PTPRD: variants seen among roughly 807,000 people sequenced by gnomAD.
PTPRD encodes receptor-type tyrosine-protein phosphatase delta.
Under a neutral mutation model 214.5 loss-of-function variants are expected in PTPRD, and 34 were observed. The ratio of observed to expected loss-of-function variants is 0.16; its 90% CI spans 0.12 to 0.21. PTPRD has a LOEUF of 0.21. Ranked by LOEUF, PTPRD falls within the 10% of genes least tolerant of loss-of-function variation. The pLI, the probability that PTPRD is intolerant of heterozygous loss-of-function variation, is 1.00. For synonymous variants in PTPRD, 1,128 were observed against 845.7 expected, an observed-to-expected ratio of 1.33 and a Z score of -5.79; for missense variants, 2,545 against 2,398.7, an observed-to-expected ratio of 1.06 and a Z score of -1.27.
At chr9:9,156,492 C>G (rs1387217065) in intron 10 of PTPRD, among the ~76,000 whole-genome samples, 2 of 151,504 alleles carry the variant, frequency 1.3e-5, no homozygotes, top group Admixed American at 6.6e-5. Context: ...AAAAGCACCT[C>G]AAACTTAAAA....
chr9:9,317,644 T>G (rs1247622375), intron 9 of PTPRD, among the ~76,000 whole-genome samples: 2 of 152,230 alleles, frequency 1.3e-5, no homozygotes, highest in African/African-American at 4.8e-5. Context: ...ATGCTGATGT[T>G]ATATTTTGAA....
chr9:9,098,826 T>C (rs915017732), intron 10 of PTPRD, among the ~76,000 whole-genome samples: 4 of 152,190 alleles, frequency 2.6e-5, no homozygotes, highest in Non-Finnish European at 1.5e-5. Context: ...CTAGAGAGAC[T>C]CTTACACATG....
chr9:9,674,768 C>G (rs137921688), intron 7 of PTPRD, among the ~76,000 whole-genome samples: 1 of 151,764 alleles, frequency 6.6e-6, no homozygotes, highest in Non-Finnish European at 1.5e-5. Context: ...ATGTACAATT[C>G]TCAACATATA....
chr9:9,402,045 T>C (rs1056121995), intron 8 of PTPRD, among the ~76,000 whole-genome samples: 2 of 152,092 alleles, frequency 1.3e-5, no homozygotes, highest in Admixed American at 6.6e-5. Flanking sequence ...GAGTTCTTCG[T>C]GTTTATTACA....
chr9:9,016,773 G>C (rs1177540117), intron 11 of PTPRD, among the ~76,000 whole-genome samples: 2 of 152,156 alleles, frequency 1.3e-5, no homozygotes, highest in Admixed American at 6.6e-5. Flanking sequence ...AGACTCCCCA[G>C]TTATGTCATC....
intron 35 of PTPRD, among the ~76,000 whole-genome samples, chr9:8,410,344 G>C (rs1345279950): frequency 6.6e-6 from 1 of 152,184 alleles, no homozygotes; most frequent in Non-Finnish European, 1.5e-5. Flanking sequence ...CAGGGTGTTA[G>C]CTTTCTGGCT....
At chr9:10,203,318 C>T (rs1414951617) in intron 3 of PTPRD, among the ~76,000 whole-genome samples, 1 of 151,830 alleles carries the variant, frequency 6.6e-6, no homozygotes, top group Non-Finnish European at 1.5e-5. Flanking sequence ...TTAAAATTAA[C>T]TAGTTTTCCT....
intron 3 of PTPRD, among the ~76,000 whole-genome samples, chr9:10,136,472 C>T (rs892005852): frequency 6.6e-6 from 1 of 152,088 alleles, no homozygotes; most frequent in African/African-American, 2.4e-5. Context: ...AGATCAGTCA[C>T]AGGCTTAATG....
intron 3 of PTPRD, among the ~76,000 whole-genome samples, chr9:10,156,121 TGTGC>T (rs1367051583): frequency 5.1e-4 from 72 of 141,600 alleles, no homozygotes; most frequent in African/African-American, 1.8e-3. Flanking sequence ...TGTGTGTGTG[TGTGC>T]CTGTCTCCTT....
intron 2 of PTPRD, among the ~76,000 whole-genome samples, chr9:10,574,554 T>C (rs1219622099): frequency 6.6e-6 from 1 of 152,026 alleles, no homozygotes; most frequent in Admixed American, 6.6e-5. Context: ...ATATCATTTC[T>C]AAGCTCTGGC....
At chr9:10,269,185 A>C (rs1388739579) in intron 3 of PTPRD, among the ~76,000 whole-genome samples, 1 of 152,054 alleles carries the variant, frequency 6.6e-6, no homozygotes, top group East Asian at 1.9e-4. Context: ...TCCAGGAAAA[A>C]AAATGCATTG....
intron 2 of PTPRD, among the ~76,000 whole-genome samples, chr9:10,527,150 C>T (rs833426): frequency 0.95 from 144,645 of 152,262 alleles, 68,815 homozygotes; most frequent in Middle Eastern, 0.98. Flanking sequence ...TGTGAATAGA[C>T]AGAAACTAAG....
At chr9:10,261,081 GTA>G (rs57737102) in intron 3 of PTPRD, among the ~76,000 whole-genome samples, 61,895 of 145,434 alleles carry the variant, frequency 0.43, 14,434 homozygotes, top group African/African-American at 0.62. Context: ...ATATATGTGT[GTA>G]TATATATATA....
intron 10 of PTPRD, among the ~76,000 whole-genome samples, chr9:9,083,490 T>C (rs2099762183): frequency 6.6e-6 from 1 of 152,164 alleles, no homozygotes; most frequent in Admixed American, 6.6e-5. Flanking sequence ...GACATAGGCA[T>C]GGGCTAAGGC....
intron 2 of PTPRD, among the ~76,000 whole-genome samples, chr9:10,576,364 A>T (rs1025850042): frequency 2.6e-5 from 4 of 152,164 alleles, no homozygotes; most frequent in East Asian, 1.9e-4. Context: ...TTGTTTAAAA[A>T]TATGGTACAT....
intron 12 of PTPRD, among the ~76,000 whole-genome samples, chr9:8,673,249 CG>C (rs900934383): frequency 3.3e-5 from 5 of 151,822 alleles, no homozygotes; most frequent in Non-Finnish European, 7.4e-5. Flanking sequence ...TTAACTGAAA[CG>C]TAAGTAGAAA....
chr9:8,633,251 G>T (rs1303963860), intron 14 of PTPRD, 66 bp downstream of exon 14: 1 of 1,546,320 alleles, frequency 6.5e-7, no homozygotes, highest in East Asian at 2.3e-5. Context: ...TCTTTTCAAT[G>T]ATGCTACAAA....
chr9:8,614,911 A>G (rs1371942743), intron 14 of PTPRD, among the ~76,000 whole-genome samples: 1 of 152,076 alleles, frequency 6.6e-6, no homozygotes, highest in African/African-American at 2.4e-5. Context: ...CTATTTTCCC[A>G]CTTTCTGAAC....
chr9:10,175,304 T>TA (rs1697761889), intron 3 of PTPRD, among the ~76,000 whole-genome samples: 1 of 152,030 alleles, frequency 6.6e-6, no homozygotes, highest in South Asian at 2.1e-4. Context: ...ATATGAGGAT[T>TA]AGAAGTCATG....
Sources: gnomAD v4.1 joint callset for allele counts (sites outside exome capture counted in the v4.1 genomes callset) on GRCh38, gnomAD v4.1.1 for gene constraint, MANE v1.5 for transcripts, NCBI Gene and HGNC (gene_info 2026-07-23, HGNC 2026-07-21) for gene names.